Variants in KLHL8 observed in about 807,000 individuals in gnomAD.
The protein encoded by KLHL8 is kelch like family member 8.
Under a neutral mutation model 63.5 loss-of-function variants are expected in KLHL8, and 38 were observed. The ratio of observed to expected loss-of-function variants is 0.60; its 90% CI spans 0.46 to 0.78. The LOEUF (loss-of-function observed/expected upper bound fraction) is 0.78. Ranked by LOEUF, KLHL8 falls within the 30% of genes least tolerant of loss-of-function variation. The pLI is 0.00. For synonymous variants in KLHL8, 224 were observed against 254.3 expected (o/e 0.88, Z 1.13); for missense variants, 566 against 752.4 (o/e 0.75, Z 2.90).
intron 6 of KLHL8, among the ~76,000 whole-genome samples, chr4:87,176,526 A>G (rs138072917): frequency 5.3e-5 from 8 of 152,354 alleles, no homozygotes; most frequent in East Asian, 1.9e-4. Context: ...ATGCTCATGT[A>G]TAAGTGAAAA....
At chr4:87,210,495 T>C (rs1186618870) in intron 1 of KLHL8, among the ~76,000 whole-genome samples, 2 of 151,978 alleles carry the variant, frequency 1.3e-5, no homozygotes, top group Non-Finnish European at 2.9e-5. Context: ...ATAATAATAA[T>C]AATAATTAAA....
intron 1 of KLHL8, chr4:87,207,920 AC>A: frequency 7.9e-7 from 1 of 1,266,214 alleles, no homozygotes; most frequent in Non-Finnish European, 1.1e-6. Context: ...TACACTGAGC[AC>A]CAGGCTGTCT....
At chr4:87,204,726 C>G (rs960165472) in intron 1 of KLHL8, among the ~76,000 whole-genome samples, 4 of 152,186 alleles carry the variant, frequency 2.6e-5, no homozygotes, top group African/African-American at 9.7e-5. Context: ...ACTACATACT[C>G]TATGATTCCA....
At chr4:87,218,947 A>T (rs182820872) in intron 1 of KLHL8, among the ~76,000 whole-genome samples, 1 of 151,856 alleles carries the variant, frequency 6.6e-6, no homozygotes, top group African/African-American at 2.4e-5. Flanking sequence ...TGTTGGCCAG[A>T]CTGGTCTCGA....
Position 87,170,227 on chromosome 4 carries a change from A to G in KLHL8, c.1389T>C (p.Tyr463=). 6.2e-7 allele frequency: 1 copy of G among 1,611,608 alleles called. No homozygotes were observed. The highest frequency in any genetic ancestry group is 8.5e-7 in the Non-Finnish European group (1 of 1,179,124). ...CCATTCCATCATTGCCACCTACTGC[A>G]TAAACATGGTTCTAAATGAAGAGAG... The part of the protein sequence containing the change: ...VGSVALVNHV[Y]AVGGNDGMAS... Residue 463 remains tyrosine (Y), a synonymous_variant, in exon 8 of 10, where the codon TAT becomes TAC. Transcript: ENST00000273963.
chr4:87,168,685 TGTATATATATAC>T (rs1347790967), intron 8 of KLHL8, among the ~76,000 whole-genome samples: 96 of 148,332 alleles, frequency 6.5e-4, no homozygotes, highest in Middle Eastern at 3.6e-3. Flanking sequence ...TATATATGTG[TGTATATATATAC>T]GTATATATAT....
intron 6 of KLHL8, among the ~76,000 whole-genome samples, chr4:87,175,500 G>A (rs1730789334): frequency 6.6e-6 from 1 of 152,170 alleles, no homozygotes; most frequent in Middle Eastern, 3.4e-3. Flanking sequence ...ACCTAAGGCA[G>A]GTTTTAACCT....
At chr4:87,189,976 G>C (rs764290395) in intron 2 of KLHL8, among the ~76,000 whole-genome samples, 1 of 144,434 alleles carries the variant, frequency 6.9e-6, no homozygotes, top group Non-Finnish European at 1.5e-5. Context: ...AGAGGTTGCA[G>C]TGAGCTGAGA....
chr4:87,172,904 T>C (rs1313209102), intron 6 of KLHL8, among the ~76,000 whole-genome samples: 1 of 152,164 alleles, frequency 6.6e-6, no homozygotes, highest in Non-Finnish European at 1.5e-5. Context: ...ATTATTTAAA[T>C]AAAAATATAA....
chr4:87,163,696 ATACTAAC>A, intron 9 of KLHL8, 54 bp from the exon 10 acceptor site: 1 of 1,602,782 alleles, frequency 6.2e-7, no homozygotes, highest in Non-Finnish European at 8.5e-7. Context: ...TTTACTCAAA[ATACTAAC>A]CAAAGACAAA....
chr4:87,178,608 C>T lies in KLHL8; in HGVS notation c.965G>A (p.Cys322Tyr). Residue 322 changes from cysteine (C) to tyrosine (Y), a missense_variant, in exon 5 of 10, where the codon TGT becomes TAT. Transcript: ENST00000273963. Reference sequence around the variant, plus strand: ...ACCAGATCCACCTCGACCACCTACACAAAACAGCACACCTAAAGGTAAAGC... The same window carrying T: ...ACCAGATCCACCTCGACCACCTACATAAAACAGCACACCTAAAGGTAAAGC... ...PRKHTAGVLFCVGGRGGSGDP... is the reference protein window; with the variant it reads ...PRKHTAGVLFYVGGRGGSGDP... 4 of 1,587,838 alleles carry T rather than the reference C, an allele frequency of 2.5e-6. No individual in the cohort carries two copies. The highest frequency in any genetic ancestry group is 3.4e-6 in the Non-Finnish European group (4 of 1,172,056).
chr4:87,207,238 T>C (rs182034104), intron 1 of KLHL8: 34 of 566,814 alleles, frequency 6.0e-5, no homozygotes, highest in Admixed American at 4.1e-4. Context: ...AGTAGGATTT[T>C]ACCTATGGCA....
intron 8 of KLHL8, among the ~76,000 whole-genome samples, chr4:87,168,728 ATATG>A (rs1363972403): frequency 6.7e-6 from 1 of 148,288 alleles, no homozygotes; most frequent in Non-Finnish European, 1.5e-5. Flanking sequence ...ATACGTATAT[ATATG>A]TGTGTATATA....
intron 8 of KLHL8, among the ~76,000 whole-genome samples, chr4:87,168,862 G>C (rs144408290): frequency 6.7e-6 from 1 of 148,546 alleles, no homozygotes; most frequent in African/African-American, 2.5e-5. Context: ...TATTGGGTCT[G>C]TACCTTCATC....
chr4:87,184,273 G>T (rs2109991339), intron 3 of KLHL8, among the ~76,000 whole-genome samples: 1 of 152,274 alleles, frequency 6.6e-6, no homozygotes, highest in South Asian at 2.1e-4. Context: ...TCTGAACTTT[G>T]ATACTCATAT....
At chr4:87,218,436 C>T (rs1732684423) in intron 1 of KLHL8, among the ~76,000 whole-genome samples, 1 of 152,016 alleles carries the variant, frequency 6.6e-6, no homozygotes, top group African/African-American at 2.4e-5. Context: ...CCAGGATGGT[C>T]TTGATCTCCT....
At chr4:87,210,278 G>A (rs1040415019) in intron 1 of KLHL8, among the ~76,000 whole-genome samples, 3 of 152,092 alleles carry the variant, frequency 2.0e-5, no homozygotes, top group African/African-American at 7.2e-5. Flanking sequence ...TCAGGAGATC[G>A]AGACCATCGG....
intron 1 of KLHL8, among the ~76,000 whole-genome samples, chr4:87,226,128 T>C (rs1732970466): frequency 6.6e-6 from 1 of 152,230 alleles, no homozygotes; most frequent in African/African-American, 2.4e-5. Context: ...TTTTGAAACA[T>C]GTGCCACATA....
At chr4:87,215,356 T>A (rs924315259) in intron 1 of KLHL8, among the ~76,000 whole-genome samples, 4 of 152,220 alleles carry the variant, frequency 2.6e-5, no homozygotes, top group African/African-American at 9.6e-5. Context: ...ATCTTTGAGG[T>A]CTATTTCAGA....
Sources: gnomAD v4.1 joint callset for allele counts (sites outside exome capture counted in the v4.1 genomes callset) on GRCh38, gnomAD v4.1.1 for gene constraint, MANE v1.5 for transcripts, NCBI Gene and HGNC (gene_info 2026-07-23, HGNC 2026-07-21) for gene names.